Variants in TG observed in about 807,000 individuals in gnomAD.
TG encodes thyroid hormones.
A neutral mutation model predicts 324.7 loss-of-function variants in TG; 270 were observed. The observed-to-expected ratio is 0.83, with a 90% CI of 0.75 to 0.92. The LOEUF (loss-of-function observed/expected upper bound fraction) is 0.92, where lower values mean the gene tolerates loss of function less well. Among genes scored for constraint, TG ranks in the 40% least tolerant of loss-of-function variants. The pLI is 0.00. For missense variants in TG, 3,591 were observed against 3,456.4 expected (o/e 1.04, Z -0.98); for synonymous variants, 1,401 against 1,327.0 (o/e 1.06, Z -1.21).
chr8:132,989,705 G>A (rs1166649660), intron 35 of TG, among the ~76,000 whole-genome samples: 2 of 152,212 alleles, frequency 1.3e-5, no homozygotes, highest in Admixed American at 6.5e-5. Context: ...GCCTGTGCCC[G>A]TGGGTTGACG....
intron 41 of TG, among the ~76,000 whole-genome samples, chr8:133,082,520 G>A (rs534533084): frequency 1.3e-5 from 2 of 152,090 alleles, no homozygotes; most frequent in African/African-American, 2.4e-5. Flanking sequence ...CCTGATAATC[G>A]ACTAGCTTGC....
chr8:132,995,276 A>C (rs1040463701), intron 35 of TG: 1 of 982,118 alleles, frequency 1.0e-6, no homozygotes, highest in Non-Finnish European at 1.2e-6. Flanking sequence ...TATGTGTAAC[A>C]TGCTTAGCCT....
chr8:133,124,150 T>G (rs542288211), intron 45 of TG, among the ~76,000 whole-genome samples: 1 of 152,318 alleles, frequency 6.6e-6, no homozygotes, highest in East Asian at 1.9e-4. Flanking sequence ...TTAAAATGCC[T>G]GGGGGCTGGG....
In TG at chr8:133,011,920, G is replaced by T. The variant is rs1834544953; in HGVS notation, c.6282G>T (p.Gln2094His). The change falls in exon 36 of 48, where the codon CAG (glutamine) becomes CAT (histidine). Residue 2094 changes from glutamine (Q) to histidine (H), a missense_variant. Transcript: ENST00000220616. ...TCCTAGTGTCTCTGGACTCGTGGCA[G>T]TCCCTGGCCCTCTCTTCAGTGGTTG... ...LTEKVSLDSWQSLALSSVVVD... is the reference protein window; with the variant it reads ...LTEKVSLDSWHSLALSSVVVD... 1 of 1,614,218 alleles carries T rather than the reference G, an allele frequency of 6.2e-7. No individual in the cohort carries two copies. The highest frequency in any genetic ancestry group is 8.5e-7 in the Non-Finnish European group (1 of 1,180,040).
Position 132,888,536 on chromosome 8 carries a change from G to C in TG, c.2729G>C (p.Gly910Ala). The C allele has an allele frequency of 6.2e-7, 1 of 1,611,890 alleles. No individual in the cohort carries two copies. Among genetic ancestry groups the C allele is most frequent in the Non-Finnish European group, 8.5e-7 (1 of 1,179,458 alleles). ...GATGAGGCTGGCCAAGAACTGGAAG[G>C]AATGCGGTCTGAGCCAAGCAAGCTC... is the stretch of plus-strand genomic sequence containing the variant. ...CVDEAGQELE[G>A]MRSEPSKLPT... The change falls in exon 10 of 48, where the codon GGA (glycine) becomes GCA (alanine). Residue 910 changes from glycine (G) to alanine (A), a missense_variant. Transcript: ENST00000220616.
chr8:132,962,891 C>G, intron 28 of TG, 103 bp from the exon 29 acceptor site: 1 of 1,054,022 alleles, frequency 9.5e-7, no homozygotes. Context: ...AGTCACCTGG[C>G]TTTAGGGCCT....
At chr8:133,040,263 G>T in intron 41 of TG, 1 of 952,556 alleles carries the variant, frequency 1.0e-6, no homozygotes, top group Non-Finnish European at 1.5e-6. Context: ...ATTTCAAAGG[G>T]GCATGGTAGG....
intron 35 of TG, chr8:132,994,812 G>C: frequency 7.8e-7 from 1 of 1,286,698 alleles, no homozygotes; most frequent in Non-Finnish European, 1.0e-6. Context: ...AAGGTGAGAT[G>C]GGGAAAGAGG....
intron 35 of TG, among the ~76,000 whole-genome samples, chr8:133,003,574 T>C (rs1312763045): frequency 2.0e-5 from 3 of 152,156 alleles, no homozygotes; most frequent in Admixed American, 6.5e-5. Flanking sequence ...CCCATAAATA[T>C]GTATAATTAT....
intron 26 of TG, among the ~76,000 whole-genome samples, chr8:132,942,792 G>A (rs1824642600): frequency 6.6e-6 from 1 of 152,196 alleles, no homozygotes. Flanking sequence ...CAAGAGGAAG[G>A]TCAGGGAAGG....
intron 5 of TG, among the ~76,000 whole-genome samples, chr8:132,874,562 C>G (rs1839788145): frequency 6.6e-6 from 1 of 152,220 alleles, no homozygotes; most frequent in African/African-American, 2.4e-5. Flanking sequence ...CAACCAGTTT[C>G]TTTCCATGTG....
intron 23 of TG, among the ~76,000 whole-genome samples, chr8:132,932,127 G>C (rs1219870645): frequency 1.3e-5 from 2 of 151,862 alleles, no homozygotes; most frequent in African/African-American, 2.4e-5. Flanking sequence ...ATTTTTTTGG[G>C]GGGGGTGTTC....
Position 133,101,050 on chromosome 8 carries a change from G to A in TG, c.7572+4677G>A, listed in dbSNP as rs1264787283. On this transcript the variant is annotated intron_variant, in intron 43 of 47. Coordinates refer to ENST00000220616, the MANE Select transcript of TG (RefSeq NM_003235.5). ...TCCTTTGGAAAGCCAAGTCTCCACT[G>A]CAGGTCTCTGACCCCAATTGCAGGG... is the stretch of plus-strand genomic sequence containing the variant. 3.3e-5 allele frequency among the ~76,000 whole-genome samples: 5 copies of A among 152,110 alleles called. No homozygotes were observed. In the South Asian group the frequency reaches 8.3e-4, roughly 25 times the overall value.
intron 41 of TG, among the ~76,000 whole-genome samples, chr8:133,055,958 G>A (rs1277256735): frequency 2.6e-5 from 4 of 152,064 alleles, no homozygotes; most frequent in African/African-American, 9.7e-5. Context: ...CTGTGAGGTT[G>A]ATAGATTGAA....
intron 11 of TG, among the ~76,000 whole-genome samples, chr8:132,896,758 A>G (rs1817170613): frequency 6.6e-6 from 1 of 152,206 alleles, no homozygotes; most frequent in African/African-American, 2.4e-5. Flanking sequence ...TATGAGCCAG[A>G]CACTCCTCTA....
intron 23 of TG, among the ~76,000 whole-genome samples, chr8:132,931,939 C>T (rs1822779125): frequency 6.6e-6 from 1 of 151,810 alleles, no homozygotes; most frequent in Admixed American, 6.6e-5. Context: ...AATAATAATA[C>T]AAAAATTAGC....
chr8:132,966,493 T>C (rs1351373048), intron 29 of TG, 67 bp from the exon 30 acceptor site: 2 of 1,572,640 alleles, frequency 1.3e-6, no homozygotes, highest in South Asian at 1.1e-5. Context: ...TGTGTTTCTT[T>C]CTTGTGTTTT....
At chr8:132,889,555 A>G (rs767631505) in intron 10 of TG, among the ~76,000 whole-genome samples, 2 of 152,254 alleles carry the variant, frequency 1.3e-5, no homozygotes, top group Non-Finnish European at 2.9e-5. Context: ...GTCAAGTTCC[A>G]GCAATAGAAC....
At chr8:133,123,099 C>T (rs1198549409) in intron 45 of TG, among the ~76,000 whole-genome samples, 1 of 152,096 alleles carries the variant, frequency 6.6e-6, no homozygotes, top group African/African-American at 2.4e-5. Context: ...CCACAAATGC[C>T]TCCAGACATT....
Sources: allele counts gnomAD v4.1 joint callset (sites outside exome capture counted in the v4.1 genomes callset), GRCh38; gene constraint gnomAD v4.1.1; transcripts MANE v1.5; gene names NCBI Gene and HGNC (gene_info 2026-07-23, HGNC 2026-07-21).